FCGR2B: variants seen among roughly 807,000 people sequenced by gnomAD.
FCGR2B encodes low affinity immunoglobulin gamma Fc region receptor II-b.
FCGR2B carries 18 observed loss-of-function variants against 24.8 expected under a neutral mutation model. That is an observed-to-expected ratio of 0.73 (90% CI 0.50 to 1.08). FCGR2B has a LOEUF of 1.08. Among genes scored for constraint, FCGR2B ranks in the 50% least tolerant of loss-of-function variants. FCGR2B has a pLI of 0.00. For synonymous variants in FCGR2B, 79 were observed against 109.8 expected (o/e 0.72, Z 1.75); for missense variants, 215 against 297.6 (o/e 0.72, Z 2.04).
chr1:161,675,287 T>A lies in FCGR2B; in HGVS notation c.791T>A (p.Met264Lys), dbSNP rs1553215233. ...ALPGYPECRE[M>K]GETLPEKPAN... ...CCAGGATACCCTGAGTGCAGGGAAA[T>A]GGGAGAGACCCTCCCTGAGAAACCA... The change falls in exon 6 of 8, where the codon ATG (methionine) becomes AAG (lysine). Residue 264 changes from methionine (M) to lysine (K), a missense_variant. This residue lies in a region of FCGR2B where 81 missense variants were observed against 81.6 expected (regional missense o/e 0.99). Transcript: ENST00000358671. The A allele has an allele frequency of 3.1e-6, 5 of 1,606,110 alleles. No individual in the cohort carries two copies. The East Asian group carries it at 1.1e-4, about 36-fold the overall frequency.
At chr1:161,676,138 T>G (rs1327357089) in intron 6 of FCGR2B, 1 of 229,326 alleles carries the variant, frequency 4.4e-6, no homozygotes, top group Non-Finnish European at 8.6e-6. Flanking sequence ...CAGACTGTAG[T>G]TAAAGTCAGA....
Position 161,677,718 on chromosome 1 carries a change from A to T in FCGR2B, c.*165A>T, listed in dbSNP as rs1004577050. ...GAGTCCTGAAGCTCCCTGTCCTGAA[A>T]GCCACAGACAATATGGTCCCAAATA... is the stretch of plus-strand genomic sequence containing the variant. On this transcript the variant is annotated 3_prime_UTR_variant, in exon 8 of 8. Transcript: ENST00000358671. 1 of 602,380 alleles carries T rather than the reference A, an allele frequency of 1.7e-6. No homozygotes were observed. The highest frequency in any genetic ancestry group is 2.9e-6 in the Non-Finnish European group (1 of 343,238). 37.3% of individuals were successfully genotyped at this position (602,380 alleles called of 1,614,324 possible). A position where few individuals can be genotyped will look rare whatever the true frequency, so the allele number is the denominator to read the frequency against.
the FCGR2B span, among the ~76,000 whole-genome samples, chr1:161,650,238 T>G: frequency 0.16 from 21,218 of 136,876 alleles, 2,472 homozygotes; most frequent in South Asian, 0.23. Context: ...CTGACATCCT[T>G]GGCCTCCCAT....
chr1:161,669,731 G>C lies in FCGR2B; in HGVS notation c.113-521G>C, dbSNP rs1681526568. 2.5e-5 allele frequency among the ~76,000 whole-genome samples: 3 copies of C among 119,134 alleles called. No individual in the cohort carries two copies. The South Asian group carries it at 9.6e-4, about 38-fold the overall frequency. The allele number at this position is 119,134 out of a possible 152,430, so 78.2% of individuals were successfully genotyped here. On this transcript the variant is annotated intron_variant, in intron 1 of 7. Transcript: ENST00000358671. ...TCCTCATTTACACTTATGTATGTCT[G>C]TATGTGAACAGCGTGTGTCTGTGTG...
At chr1:161,672,945 G>C in intron 3 of FCGR2B, 30 bp from the exon 4 acceptor site, 2 of 1,613,256 alleles carry the variant, frequency 1.2e-6, no homozygotes, top group South Asian at 1.1e-5. Flanking sequence ...AAGACCTCCC[G>C]GGTCCTCTGC....
the FCGR2B span, among the ~76,000 whole-genome samples, chr1:161,650,152 C>A: frequency 2.0e-5 from 3 of 149,122 alleles, no homozygotes; most frequent in African/African-American, 7.5e-5. Context: ...GGACTACACG[C>A]CACCATGCCT....
chr1:161,677,275 C>A, intron 6 of FCGR2B, 53 bp from the exon 7 acceptor site: 4 of 1,578,114 alleles, frequency 2.5e-6, no homozygotes, highest in Non-Finnish European at 3.5e-6. Context: ...TCAGCACAGG[C>A]AGGCCCTCTT....
chr1:161,677,045 T>A, intron 6 of FCGR2B: 4 of 461,662 alleles, frequency 8.7e-6, no homozygotes, highest in East Asian at 4.3e-5. Flanking sequence ...CAAGCCTCCC[T>A]GGTTTGCTTC....
chr1:161,649,393 G>C, the FCGR2B span, among the ~76,000 whole-genome samples: 6 of 150,862 alleles, frequency 4.0e-5, no homozygotes, highest in Non-Finnish European at 8.8e-5. Flanking sequence ...AAAATTTCTT[G>C]AGCCATTTCA....
intron 3 of FCGR2B, 195 bp downstream of exon 3, chr1:161,671,844 G>C: frequency 1.9e-6 from 2 of 1,068,048 alleles, no homozygotes; most frequent in Non-Finnish European, 2.6e-6. Flanking sequence ...CCAAAAACAG[G>C]CAGCCAAGTG....
Position 161,673,610 on chromosome 1 carries a change from TCATGGA to T in FCGR2B, c.647-348_647-343del, listed in dbSNP as rs1259890334. On this transcript the variant is annotated intron_variant, in intron 4 of 7. Transcript: ENST00000358671. ...CATTCACTCCAGAAAGCCTGGCACG[TCATGGA>T]CCGTTCAAGGCTGTGCTCCATAGAG... The T allele has an allele frequency of 4.6e-6, 3 of 645,628 alleles. No homozygotes were observed. The African/African-American group carries it at 5.3e-5, about 11-fold the overall frequency. The allele number at this position is 645,628 out of a possible 1,614,324, so 40.0% of individuals were successfully genotyped here.
intron 6 of FCGR2B, chr1:161,676,489 T>C (rs768342410): frequency 2.3e-4 from 40 of 176,590 alleles, no homozygotes; most frequent in Non-Finnish European, 3.3e-4. Context: ...CAGCCAGGCA[T>C]TGGGGCTGCA....
chr1:161,650,083 C>T, the FCGR2B span, among the ~76,000 whole-genome samples: 1 of 150,398 alleles, frequency 6.6e-6, no homozygotes. Flanking sequence ...TCTCTGTTCA[C>T]TGCACCCTCC....
the FCGR2B span, among the ~76,000 whole-genome samples, chr1:161,654,740 T>C: frequency 7.3e-6 from 1 of 136,652 alleles, no homozygotes; most frequent in Non-Finnish European, 1.7e-5. Flanking sequence ...GTCTTACAGG[T>C]GAGCCTGTGC....
upstream of FCGR2B, among the ~76,000 whole-genome samples, chr1:161,661,224 AAGAAAG>A (rs1351030141): frequency 5.1e-5 from 4 of 77,998 alleles, 1 homozygote; most frequent in African/African-American, 1.7e-4. Context: ...GAAAGAAAGA[AAGAAAG>A]AAAGAAAGAA....
In FCGR2B at chr1:161,677,982, TTGA is replaced by T. The variant is rs1198767085; in HGVS notation, c.*434_*436del. 4 of 225,072 alleles carry T rather than the reference TTGA, an allele frequency of 1.8e-5. No individual in the cohort carries two copies. Among genetic ancestry groups the T allele is most frequent in the African/African-American group, 4.5e-5 (2 of 44,896 alleles). The allele number at this position is 225,072 out of a possible 1,614,324, so 13.9% of individuals were successfully genotyped here. A position where few individuals can be genotyped will look rare whatever the true frequency, so the allele number is the denominator to read the frequency against. On this transcript the variant is annotated 3_prime_UTR_variant, in exon 8 of 8. Transcript: ENST00000358671. ...TGATTGTTTCTGGGTGATAAAATTA[TTGA>T]TGATTTTTATTTTCTTTATTTTTCT...
chr1:161,668,758 G>A (rs1681433106), intron 1 of FCGR2B, among the ~76,000 whole-genome samples: 1 of 98,006 alleles, frequency 1.0e-5, no homozygotes, highest in Admixed American at 9.5e-5. Flanking sequence ...CGAGATATTG[G>A]AGCATCGGGA....
Position 161,678,351 on chromosome 1 carries a change from T to C in FCGR2B, c.*798T>C, listed in dbSNP as rs1163732467. The C allele has an allele frequency of 4.6e-6, 1 of 217,082 alleles. No individual in the cohort carries two copies. The highest frequency in any genetic ancestry group is 6.8e-5 in the East Asian group (1 of 14,638). The allele number at this position is 217,082 out of a possible 1,614,324, so 13.4% of individuals were successfully genotyped here. A position where few individuals can be genotyped will look rare whatever the true frequency, so the allele number is the denominator to read the frequency against. On this transcript the variant is annotated 3_prime_UTR_variant, in exon 8 of 8. Transcript: ENST00000358671. The stretch of plus-strand genomic sequence containing the variant: ...TTTTCTATTCCTATGTTTAGATATA[T>C]GAGTACTTACCATTGTGTTACAATT...
chr1:161,669,440 G>A (rs1293865106), intron 1 of FCGR2B, among the ~76,000 whole-genome samples: 14 of 138,546 alleles, frequency 1.0e-4, no homozygotes, highest in African/African-American at 3.0e-4. Context: ...GTGTGGTGGC[G>A]CGGGCCTGTA....
Sources: allele counts gnomAD v4.1 joint callset (sites outside exome capture counted in the v4.1 genomes callset), GRCh38; gene constraint gnomAD v4.1.1; regional missense constraint gnomAD v4.1.1; transcripts MANE v1.5; gene names NCBI Gene and HGNC (gene_info 2026-07-23, HGNC 2026-07-21).